VPS37C: variants seen among roughly 807,000 people sequenced by gnomAD.
The protein encoded by VPS37C is VPS37C subunit of ESCRT-I.
VPS37C carries 9 observed loss-of-function variants against 16.1 expected under a neutral mutation model. The ratio of observed to expected loss-of-function variants is 0.56; its 90% CI spans 0.34 to 0.97. The LOEUF (loss-of-function observed/expected upper bound fraction) is 0.97, where lower values mean the gene tolerates loss of function less well. VPS37C is among the 50% of genes least tolerant of loss of function. VPS37C has a pLI of 0.02. For missense variants in VPS37C, 479 were observed against 472.7 expected (o/e 1.01, Z -0.12); for synonymous variants, 207 against 206.4 (o/e 1.00, Z -0.02).
At position 61,132,125 on chromosome 11, in the gene VPS37C, C is replaced by T; in HGVS notation, c.763G>A (p.Ala255Thr). ...YPAAQLGPRG[A>T]AGYSWSPQRS... ...TGTGGGGACCAGGAGTAACCCGCAG[C>T]ACCCCTGGGTCCAAGCTGGGCTGCC... The change falls in exon 5 of 5, where the codon GCT becomes ACT. Residue 255 changes from alanine to threonine, a missense_variant. Transcript: ENST00000301765. The T allele has an allele frequency of 1.4e-6, 2 of 1,436,620 alleles. No individual in the cohort carries two copies. Among genetic ancestry groups the T allele is most frequent in the Non-Finnish European group, 1.8e-6 (2 of 1,090,984 alleles). The allele number at this position is 1,436,620 out of a possible 1,614,324, so 89.0% of individuals were successfully genotyped here. A position where few individuals can be genotyped will look rare whatever the true frequency, so the allele number is the denominator to read the frequency against.
chr11:61,131,115 C>G lies in VPS37C; in HGVS notation c.*705G>C, dbSNP rs916996385. 4 of 231,602 alleles carry G rather than the reference C, an allele frequency of 1.7e-5. No individual in the cohort carries two copies. 14.3% of individuals were successfully genotyped at this position (231,602 alleles called of 1,614,324 possible). On this transcript the variant is annotated 3_prime_UTR_variant, in exon 5 of 5. Transcript: ENST00000301765. ...CTCTGGCCAGAGGGCCCAAGGCAGCCCCCTGGGTTCTCCAACCACTGCAAG... is the reference window on the plus strand; with the variant it reads ...CTCTGGCCAGAGGGCCCAAGGCAGCGCCCTGGGTTCTCCAACCACTGCAAG...
chr11:61,142,208 T>C (rs749551872), intron 1 of VPS37C, among the ~76,000 whole-genome samples: 4 of 152,238 alleles, frequency 2.6e-5, no homozygotes, highest in Non-Finnish European at 4.4e-5. Flanking sequence ...GCTATCGGTA[T>C]TTACCATGTT....
chr11:61,145,114 C>T (rs1385498193), intron 1 of VPS37C: 1 of 152,216 alleles, frequency 6.6e-6, no homozygotes, highest in Non-Finnish European at 1.5e-5. Context: ...AGATCAAAGC[C>T]CTCTGTAAAC....
rs1371262142 is a variant in VPS37C at position 61,132,304 on chromosome 11, T to C, written c.584A>G (p.Gln195Arg). Residue 195 changes from glutamine to arginine, a missense_variant, in exon 5 of 5, where the codon CAG becomes CGG. Coordinates refer to ENST00000301765, the MANE Select transcript of VPS37C (RefSeq NM_017966.5). ...GTAGGGAGGCATGGCTAATGGTGGC[T>C]GCGGCTGCTCTTCAACCACAGGGGG... The part of the protein sequence containing the change: ...GTPPVVEEQP[Q>R]PPLAMPPYPL... 3.8e-6 allele frequency: 6 copies of C among 1,580,762 alleles called. No homozygotes were observed. The highest frequency in any genetic ancestry group is 5.2e-6 in the Non-Finnish European group (6 of 1,161,084).
intron 2 of VPS37C, among the ~76,000 whole-genome samples, chr11:61,137,919 G>A (rs970291444): frequency 6.6e-5 from 10 of 152,174 alleles, no homozygotes; most frequent in Admixed American, 4.6e-4. Context: ...ATGGAAGCAC[G>A]GAGACACTGG....
chr11:61,152,515 C>A (rs1311957201), intron 1 of VPS37C, among the ~76,000 whole-genome samples: 3 of 152,144 alleles, frequency 2.0e-5, no homozygotes, highest in Admixed American at 1.3e-4. Flanking sequence ...CTTCTACACC[C>A]CCCAGTAACC....
Position 61,134,137 on chromosome 11 carries a change from T to TC in VPS37C, c.163dup (p.Glu55GlyfsTer16). On this transcript the variant is annotated frameshift_variant, in exon 3 of 5. Coordinates refer to ENST00000301765, the MANE Select transcript of VPS37C (RefSeq NM_017966.5). LOFTEE classifies it high-confidence loss of function. ...GCTGATCTCCAGGGGACCCTGGAAC[T>TC]CCAAGTTCCGCTCTGCCAGGCTCCG... 1.2e-6 allele frequency: 2 copies of TC among 1,613,998 alleles called. No individual in the cohort carries two copies. Among genetic ancestry groups the TC allele is most frequent in the East Asian group, 4.5e-5 (2 of 44,866 alleles).
At chr11:61,156,068 T>TAA (rs35116777) in intron 1 of VPS37C, among the ~76,000 whole-genome samples, 112,892 of 151,938 alleles carry the variant, frequency 0.74, 43,446 homozygotes, top group East Asian at 1. Context: ...AAGCAACCAC[T>TAA]AAAAAGTGTT....
At chr11:61,135,019 G>C (rs985168160) in intron 2 of VPS37C, among the ~76,000 whole-genome samples, 6 of 152,260 alleles carry the variant, frequency 3.9e-5, no homozygotes, top group Admixed American at 2.6e-4. Context: ...TGAGCCAGCA[G>C]TGACAGTACA....
chr11:61,137,172 T>G (rs1861391690), intron 2 of VPS37C, among the ~76,000 whole-genome samples: 1 of 152,152 alleles, frequency 6.6e-6, no homozygotes, highest in Non-Finnish European at 1.5e-5. Context: ...AGAGAGCCCC[T>G]GCCAACTCCC....
chr11:61,160,445 T>C (rs139293803), intron 1 of VPS37C, among the ~76,000 whole-genome samples: 23 of 152,256 alleles, frequency 1.5e-4, no homozygotes, highest in African/African-American at 5.1e-4. Context: ...GGTGGCAGCA[T>C]CTTGGTGCAT....
intron 1 of VPS37C, among the ~76,000 whole-genome samples, chr11:61,140,281 C>T (rs1159295963): frequency 6.6e-6 from 1 of 152,116 alleles, no homozygotes; most frequent in African/African-American, 2.4e-5. Flanking sequence ...AGGAAGCGAA[C>T]GGCATCTCCT....
At chr11:61,145,676 T>C (rs614168) in intron 1 of VPS37C, among the ~76,000 whole-genome samples, 113,067 of 152,188 alleles carry the variant, frequency 0.74, 43,528 homozygotes, top group East Asian at 1. Flanking sequence ...TGAAGCTTGG[T>C]CATCCACTGC....
intron 1 of VPS37C, among the ~76,000 whole-genome samples, chr11:61,159,572 A>C (rs1488747855): frequency 1.3e-5 from 2 of 152,078 alleles, no homozygotes; most frequent in East Asian, 3.9e-4. Flanking sequence ...AAGCGGGTGG[A>C]TCACCTGAGC....
chr11:61,136,491 A>G (rs1160709290), intron 2 of VPS37C, among the ~76,000 whole-genome samples: 2 of 152,164 alleles, frequency 1.3e-5, no homozygotes, highest in African/African-American at 4.8e-5. Context: ...CACACATTCT[A>G]TGCATGCAAC....
intron 2 of VPS37C, among the ~76,000 whole-genome samples, chr11:61,134,963 G>C (rs1395628748): frequency 2.6e-5 from 4 of 152,236 alleles, no homozygotes; most frequent in African/African-American, 9.6e-5. Flanking sequence ...CATCCGCCAA[G>C]GAGTCCTCTT....
chr11:61,136,970 T>C (rs899002133), intron 2 of VPS37C, among the ~76,000 whole-genome samples: 4 of 151,970 alleles, frequency 2.6e-5, no homozygotes, highest in African/African-American at 4.8e-5. Flanking sequence ...GATGGCGCCA[T>C]TGCACTCCAG....
At chr11:61,144,845 A>AAGGAG (rs1853170948) in intron 1 of VPS37C, 1 of 152,240 alleles carries the variant, frequency 6.6e-6, no homozygotes, top group South Asian at 2.1e-4. Flanking sequence ...GGCCTCCACC[A>AAGGAG]AGCTGCTACC....
intron 1 of VPS37C, among the ~76,000 whole-genome samples, chr11:61,152,922 C>T (rs951537383): frequency 1.3e-5 from 2 of 152,244 alleles, no homozygotes; most frequent in Non-Finnish European, 2.9e-5. Flanking sequence ...GCTTTCCTTG[C>T]TTCTTCCTCC....
Sources: gnomAD v4.1 joint callset for allele counts (sites outside exome capture counted in the v4.1 genomes callset) on GRCh38, gnomAD v4.1.1 for gene constraint, MANE v1.5 for transcripts, NCBI Gene and HGNC (gene_info 2026-07-23, HGNC 2026-07-21) for gene names.